ATXN2: variants seen among roughly 807,000 people sequenced by gnomAD.
The protein encoded by ATXN2 is ataxin 2.
In ATXN2, 37 loss-of-function variants were observed where a neutral mutation model predicts 138.6. That is an observed-to-expected ratio of 0.27 (90% CI 0.21 to 0.35). The LOEUF is 0.35. Among genes scored for constraint, ATXN2 ranks in the 10% least tolerant of loss-of-function variants. The pLI is 1.00. For synonymous variants in ATXN2, 549 were observed against 543.7 expected (o/e 1.01, Z -0.13); for missense variants, 1,216 against 1,480.3 (o/e 0.82, Z 2.93).
chr12:111,516,203 A>G lies in ATXN2; in HGVS notation c.1326T>C (p.His442=). ...PSRPPSHPSA[H]GSPAPVSTMP... ...TAGTAGAGACAGGAGCTGGAGAACC[A>G]TGAGCAGAGGGGTGAGACGGGGGTC... The change falls in exon 10 of 25, where the codon CAT becomes CAC. Residue 442 remains histidine (H), a synonymous_variant. Coordinates refer to ENST00000673436, the MANE Select transcript of ATXN2 (RefSeq NM_001372574.1). This position sits in a 1 kb window ranked among gnomAD's most constrained non-coding sequence, Gnocchi z 5.0. The G allele has an allele frequency of 6.3e-7, 1 of 1,584,320 alleles. No homozygotes were observed. The highest frequency in any genetic ancestry group is 1.4e-5 in the African/African-American group (1 of 73,182).
At chr12:111,568,294 G>A (rs924920075) in intron 1 of ATXN2, among the ~76,000 whole-genome samples, 5 of 151,628 alleles carry the variant, frequency 3.3e-5, no homozygotes, top group African/African-American at 1.2e-4. Flanking sequence ...AAAAAACTGG[G>A]GAGAAAAAAC....
chr12:111,537,456 G>A (rs573474957), intron 5 of ATXN2, among the ~76,000 whole-genome samples: 24 of 151,948 alleles, frequency 1.6e-4, no homozygotes, highest in African/African-American at 4.6e-4. Context: ...GGTGGCAGGC[G>A]CCTATAGTCC....
chr12:111,560,330 C>CAGGA (rs1236834136), intron 1 of ATXN2, among the ~76,000 whole-genome samples: 2 of 152,074 alleles, frequency 1.3e-5, no homozygotes, highest in African/African-American at 4.8e-5. Flanking sequence ...ACAAAGCATA[C>CAGGA]AGGAGGATGT....
chr12:111,524,323 A>G (rs1419867707), intron 6 of ATXN2, among the ~76,000 whole-genome samples: 1 of 152,218 alleles, frequency 6.6e-6, no homozygotes, highest in Non-Finnish European at 1.5e-5. Flanking sequence ...CAGATATGTT[A>G]CAAATTCTCT....
At chr12:111,498,410 A>G (rs975593735) in intron 14 of ATXN2, among the ~76,000 whole-genome samples, 2 of 152,216 alleles carry the variant, frequency 1.3e-5, no homozygotes, top group Non-Finnish European at 2.9e-5. Context: ...AAAAATCAGG[A>G]GCATTTTTAT....
chr12:111,508,911 C>A (rs1445671941), intron 14 of ATXN2, among the ~76,000 whole-genome samples: 2 of 152,120 alleles, frequency 1.3e-5, no homozygotes, highest in African/African-American at 4.8e-5. Context: ...GAAAGGCTAC[C>A]TTTGCCTTTG....
intron 23 of ATXN2, chr12:111,455,688 G>A (rs897173493): frequency 5.6e-5 from 21 of 373,208 alleles, no homozygotes; most frequent in African/African-American, 2.1e-5. Flanking sequence ...AGTGTGTAGG[G>A]GAATATATAT....
chr12:111,578,487 G>A (rs1305927365), intron 1 of ATXN2, among the ~76,000 whole-genome samples: 1 of 152,032 alleles, frequency 6.6e-6, no homozygotes, highest in African/African-American at 2.4e-5. Flanking sequence ...GTTCAGTACC[G>A]CAACATGCTA....
intron 5 of ATXN2, among the ~76,000 whole-genome samples, chr12:111,538,270 G>A (rs958481947): frequency 6.6e-6 from 1 of 152,106 alleles, no homozygotes; most frequent in African/African-American, 2.4e-5. Flanking sequence ...TTCTGTTTGT[G>A]AGAGGTACAA....
intron 21 of ATXN2, among the ~76,000 whole-genome samples, chr12:111,464,335 TTGTGTGTGTGTGTGTGTGTGTGTGTG>T (rs375641693): frequency 9.5e-6 from 1 of 105,784 alleles, no homozygotes; most frequent in Non-Finnish European, 1.9e-5. Context: ...GTGTGTGTGT[TTGTGTGTGTGTGTGTGTGTGTGTGTG>T]TGTGTGTGTA....
intron 18 of ATXN2, among the ~76,000 whole-genome samples, chr12:111,484,020 A>T (rs1334508857): frequency 2.0e-4 from 31 of 151,720 alleles, no homozygotes; most frequent in Admixed American, 2.0e-3. Flanking sequence ...ACTCCCGGTC[A>T]TGTGATCTGC....
chr12:111,514,507 T>C (rs2040573240), intron 10 of ATXN2, among the ~76,000 whole-genome samples: 1 of 152,170 alleles, frequency 6.6e-6, no homozygotes, highest in South Asian at 2.1e-4. Flanking sequence ...TTAATATATG[T>C]TGCCAATAGA....
intron 5 of ATXN2, among the ~76,000 whole-genome samples, chr12:111,535,459 T>C: frequency 6.6e-6 from 1 of 151,176 alleles, no homozygotes; most frequent in African/African-American, 2.4e-5. Flanking sequence ...CCATCTCTAC[T>C]AAAAATACAA....
chr12:111,520,868 C>G lies in ATXN2; in HGVS notation c.788+14G>C. On this transcript the variant is annotated intron_variant, in intron 7 of 24. Coordinates refer to ENST00000673436, the MANE Select transcript of ATXN2 (RefSeq NM_001372574.1). ...ACAAATGCACTAAAATAAAAACAAA[C>G]TTTTCAAACTTACGTATACGAAGAT... The G allele has an allele frequency of 6.8e-7, 1 of 1,474,432 alleles. No homozygotes were observed. The highest frequency in any genetic ancestry group is 9.2e-7 in the Non-Finnish European group (1 of 1,087,960). 91.3% of individuals were successfully genotyped at this position (1,474,432 alleles called of 1,614,324 possible).
intron 15 of ATXN2, 57 bp downstream of exon 15, chr12:111,488,419 T>TAA: frequency 6.6e-7 from 1 of 1,525,224 alleles, no homozygotes; most frequent in Non-Finnish European, 8.8e-7. Context: ...CTAAATGCCT[T>TAA]TAAAAAAAAA....
At chr12:111,540,091 C>A (rs1881414947) in intron 5 of ATXN2, among the ~76,000 whole-genome samples, 1 of 150,228 alleles carries the variant, frequency 6.7e-6, no homozygotes, top group African/African-American at 2.4e-5. Flanking sequence ...TGTTCAAGTA[C>A]ACATGCCCAC....
Position 111,453,866 on chromosome 12 carries a change from A to T in ATXN2, c.3271-21T>A. ...TGAGCCTGAAACAGAGAGCTCTTTT[A>T]CGCATACAGGCAACATCTCCGGCTT... On this transcript the variant is annotated intron_variant, in intron 23 of 24. Transcript: ENST00000673436. The surrounding 1 kb of genome is among the most constrained non-coding windows in gnomAD (Gnocchi z 5.4). 8 of 1,591,416 alleles carry T rather than the reference A, an allele frequency of 5.0e-6. No homozygotes were observed. Among genetic ancestry groups the T allele is most frequent in the Non-Finnish European group, 6.9e-6 (8 of 1,165,900 alleles).
chr12:111,563,340 A>G (rs1882803069), intron 1 of ATXN2, among the ~76,000 whole-genome samples: 1 of 152,132 alleles, frequency 6.6e-6, no homozygotes, highest in South Asian at 2.1e-4. Context: ...TAGAATATAC[A>G]TATTTACTGG....
At position 111,525,379 on chromosome 12, in the gene ATXN2, T is replaced by A. The variant is rs117122737; in HGVS notation, c.572-63A>T. On this transcript the variant is annotated intron_variant, in intron 5 of 24. Coordinates refer to ENST00000673436, the MANE Select transcript of ATXN2 (RefSeq NM_001372574.1). ...TGGCAATCAGTTACACTCACACACG[T>A]GAATTACCAACAAAGACATATGTTA... 609 of 1,415,044 alleles carry A rather than the reference T, an allele frequency of 4.3e-4. 7 individuals are homozygous for A. The East Asian group carries it at 0.014, about 32-fold the overall frequency. The allele number at this position is 1,415,044 out of a possible 1,614,324, so 87.7% of individuals were successfully genotyped here.
Sources: gnomAD v4.1 joint callset for allele counts (sites outside exome capture counted in the v4.1 genomes callset) on GRCh38, gnomAD v4.1.1 for gene constraint, Gnocchi (gnomAD v3.1) non-coding constraint, MANE v1.5 for transcripts, NCBI Gene and HGNC (gene_info 2026-07-23, HGNC 2026-07-21) for gene names.